Variants in ACVR1 observed in about 807,000 individuals in gnomAD.
ACVR1 encodes activin receptor type-1.
ACVR1 carries 38 observed loss-of-function variants against 57.1 expected under a neutral mutation model. The ratio of observed to expected loss-of-function variants is 0.67; its 90% CI spans 0.51 to 0.87. The LOEUF (loss-of-function observed/expected upper bound fraction) is 0.87, where lower values mean the gene tolerates loss of function less well. Among genes scored for constraint, ACVR1 ranks in the 40% least tolerant of loss-of-function variants. ACVR1 has a pLI of 0.00. For synonymous variants in ACVR1, 212 were observed against 228.1 expected (o/e 0.93, Z 0.63); for missense variants, 463 against 638.2 (o/e 0.73, Z 2.96).
intron 2 of ACVR1, among the ~76,000 whole-genome samples, chr2:157,812,710 C>A (rs765638345): frequency 6.6e-6 from 1 of 152,170 alleles, no homozygotes; most frequent in Non-Finnish European, 1.5e-5. Context: ...TAAGTTTGTG[C>A]AATACACTTC....
At chr2:157,809,586 C>T (rs1687678250) in intron 2 of ACVR1, among the ~76,000 whole-genome samples, 1 of 151,918 alleles carries the variant, frequency 6.6e-6, no homozygotes, top group South Asian at 2.1e-4. Flanking sequence ...GACTGGAGAA[C>T]GGATATAACC....
At chr2:157,858,463 T>A (rs34636105) in intron 1 of ACVR1, among the ~76,000 whole-genome samples, 1 of 152,078 alleles carries the variant, frequency 6.6e-6, no homozygotes, top group African/African-American at 2.4e-5. Context: ...ATATTAATTG[T>A]TTTTCTTCTT....
chr2:157,760,782 G>A (rs1306831584), intron 9 of ACVR1, 98 bp downstream of exon 9: 1 of 1,220,288 alleles, frequency 8.2e-7, no homozygotes. Flanking sequence ...ACGATTCAAA[G>A]AACAATGTGA....
intron 5 of ACVR1, among the ~76,000 whole-genome samples, chr2:157,777,611 C>T (rs778551666): frequency 1.3e-5 from 2 of 152,078 alleles, no homozygotes; most frequent in Non-Finnish European, 2.9e-5. Flanking sequence ...TGGACAACAC[C>T]GGTTTAACCA....
chr2:157,799,541 T>A, intron 2 of ACVR1, 41 bp from the exon 3 acceptor site: 1 of 1,495,778 alleles, frequency 6.7e-7, no homozygotes, highest in Non-Finnish European at 9.3e-7. Context: ...AGCATAAATA[T>A]CTAACTGCAG....
chr2:157,830,886 T>C (rs1451430565), intron 1 of ACVR1, among the ~76,000 whole-genome samples: 1 of 152,146 alleles, frequency 6.6e-6, no homozygotes, highest in Non-Finnish European at 1.5e-5. Context: ...GGAGCTCAAG[T>C]AGGAAAAAGA....
At chr2:157,837,951 G>A (rs759537169) in intron 1 of ACVR1, among the ~76,000 whole-genome samples, 4 of 152,114 alleles carry the variant, frequency 2.6e-5, no homozygotes, top group Non-Finnish European at 5.9e-5. Flanking sequence ...GTCTGGGACC[G>A]GCTTCCAGTG....
At position 157,750,048 on chromosome 2, in the gene ACVR1, G is replaced by A. The variant is rs193107613; in HGVS notation, c.1264+10832C>T. 5.8e-4 allele frequency among the ~76,000 whole-genome samples: 89 copies of A among 152,234 alleles called. No homozygotes were observed. In the Middle Eastern group the frequency reaches 0.027, roughly 47 times the overall value. ...GAGCCCGCCCAGCCTGCTAGCACCC[G>A]CACACACATCATCTGACAGCCTAGG... is the stretch of plus-strand genomic sequence containing the variant. On this transcript the variant is annotated intron_variant, in intron 9 of 10. Coordinates refer to ENST00000434821, the MANE Select transcript of ACVR1 (RefSeq NM_001111067.4).
rs755441071 is a variant in ACVR1, at chr2:157,737,368, T to G, written c.*163A>C. On this transcript the variant is annotated 3_prime_UTR_variant, in exon 11 of 11. Coordinates refer to ENST00000434821, the MANE Select transcript of ACVR1 (RefSeq NM_001111067.4). Reference sequence around the variant, plus strand: ...TCGAGCGAGGTTAGGGTGGTTTTGATGTCTCCCCAACACATGGCTGGGTAC... The same window carrying G: ...TCGAGCGAGGTTAGGGTGGTTTTGAGGTCTCCCCAACACATGGCTGGGTAC... 3.3e-6 allele frequency: 3 copies of G among 901,950 alleles called. No homozygotes were observed. The East Asian group carries it at 7.9e-5, about 24-fold the overall frequency. The allele number at this position is 901,950 out of a possible 1,614,324, so 55.9% of individuals were successfully genotyped here. A position where few individuals can be genotyped will look rare whatever the true frequency, so the allele number is the denominator to read the frequency against.
chr2:157,779,881 C>T (rs1048285867), intron 4 of ACVR1, among the ~76,000 whole-genome samples: 2 of 152,126 alleles, frequency 1.3e-5, no homozygotes, highest in Admixed American at 6.5e-5. Flanking sequence ...GGTCAGTGAG[C>T]CTTCTTTTAT....
At chr2:157,753,327 A>G (rs1685285495) in intron 9 of ACVR1, among the ~76,000 whole-genome samples, 1 of 152,222 alleles carries the variant, frequency 6.6e-6, no homozygotes, top group African/African-American at 2.4e-5. Context: ...CAGGAGTTTG[A>G]GACCAGCCTG....
At chr2:157,830,268 G>A (rs1324947077) in intron 1 of ACVR1, among the ~76,000 whole-genome samples, 1 of 152,104 alleles carries the variant, frequency 6.6e-6, no homozygotes. Context: ...AATAAATGAT[G>A]TACCCTGATA....
At chr2:157,787,033 A>G (rs74898722) in intron 3 of ACVR1, among the ~76,000 whole-genome samples, 48 of 146,404 alleles carry the variant, frequency 3.3e-4, no homozygotes, top group African/African-American at 1.2e-3. Context: ...TGAAGCTGAG[A>G]AAAAAAAAAA....
rs148237604 is a variant in ACVR1 at position 157,831,910 on chromosome 2, A to G, written c.-182-13351T>C. ...TAAAAACCACTGAATAGTACATTAT[A>G]AAAGGGTGAATGTTTTTGGTATATG... On this transcript the variant is annotated intron_variant, in intron 1 of 10. Transcript: ENST00000434821. Among the ~76,000 whole-genome samples the G allele has an allele frequency of 3.3e-5, 5 of 152,342 alleles. No individual in the cohort carries two copies. The East Asian group carries it at 9.6e-4, about 29-fold the overall frequency.
chr2:157,839,403 G>A (rs993938938), intron 1 of ACVR1, among the ~76,000 whole-genome samples: 5 of 152,166 alleles, frequency 3.3e-5, no homozygotes, highest in African/African-American at 9.7e-5. Flanking sequence ...AGCTTATGGT[G>A]CTGGCTGCAG....
chr2:157,742,505 T>A (rs1226627175), intron 9 of ACVR1, among the ~76,000 whole-genome samples: 1 of 152,142 alleles, frequency 6.6e-6, no homozygotes, highest in Non-Finnish European at 1.5e-5. Flanking sequence ...CCCCACAACT[T>A]TTGGCAGGGG....
At chr2:157,865,805 A>AAAG (rs1427451849) in intron 1 of ACVR1, among the ~76,000 whole-genome samples, 1 of 140,406 alleles carries the variant, frequency 7.1e-6, no homozygotes, top group Non-Finnish European at 1.5e-5. Flanking sequence ...CAAAAAAAAA[A>AAAG]AAAAGAAAAA....
chr2:157,840,491 G>A (rs1403666679), intron 1 of ACVR1, among the ~76,000 whole-genome samples: 10 of 152,134 alleles, frequency 6.6e-5, no homozygotes, highest in African/African-American at 1.4e-4. Context: ...TTTCCTTCTA[G>A]TCCATATACC....
chr2:157,816,124 A>G lies in ACVR1; in HGVS notation c.-8+2261T>C, dbSNP rs534381341. On this transcript the variant is annotated intron_variant, in intron 2 of 10. Transcript: ENST00000434821. ...ATAGAATGTATGGTCATGTTCCACC[A>G]ATTTTTAACATAATTAATATGCATA... Among the ~76,000 whole-genome samples the G allele has an allele frequency of 3.0e-4, 45 of 152,330 alleles. No individual in the cohort carries two copies. In the South Asian group the frequency reaches 9.3e-3, roughly 32 times the overall value.
Sources: gnomAD v4.1 joint callset for allele counts (sites outside exome capture counted in the v4.1 genomes callset) on GRCh38, gnomAD v4.1.1 for gene constraint, MANE v1.5 for transcripts, NCBI Gene and HGNC (gene_info 2026-07-23, HGNC 2026-07-21) for gene names.